The following SDC4 variants were observed in gnomAD, a reference collection of about 807,000 sequenced individuals.
SDC4 encodes the protein syndecan 4.
In SDC4, 17 loss-of-function variants were observed where a neutral mutation model predicts 20.5. The observed-to-expected ratio is 0.83, with a 90% CI of 0.57 to 1.25. SDC4 has a LOEUF of 1.25. Among genes scored for constraint, SDC4 ranks in the 50% most tolerant of loss-of-function variants. The pLI is 0.00. For synonymous variants in SDC4, 107 were observed against 105.3 expected (o/e 1.02, Z -0.10); for missense variants, 241 against 252.3 (o/e 0.96, Z 0.30).
Position 45,335,875 on chromosome 20 carries a change from G to C in SDC4, c.106C>G (p.Arg36Gly). ...VIDPQDLLEG[R>G]YFSGALPDDE... ...TCTGGTAGGGCTCCGGAGAAGTATC[G>C]GCCTTCTAGGAGGTCCTGGGGGTCG... The change falls in exon 2 of 5, where the codon CGA becomes GGA. Residue 36 changes from arginine (R) to glycine (G), a missense_variant. Coordinates refer to ENST00000372733, the MANE Select transcript of SDC4 (RefSeq NM_002999.4). 2 of 1,613,728 alleles carry C rather than the reference G, an allele frequency of 1.2e-6. No individual in the cohort carries two copies. Among genetic ancestry groups the C allele is most frequent in the Non-Finnish European group, 1.7e-6 (2 of 1,179,908 alleles).
intron 4 of SDC4, among the ~76,000 whole-genome samples, chr20:45,327,709 T>C (rs760513367): frequency 1.6e-4 from 25 of 152,214 alleles, no homozygotes; most frequent in Non-Finnish European, 3.2e-4. Flanking sequence ...AGTGGCGTGA[T>C]CTCGGCTTAC....
chr20:45,348,224 A>T lies in SDC4; in HGVS notation c.60+101T>A. 66 of 862,348 alleles carry T rather than the reference A, an allele frequency of 7.7e-5. 1 individual carries two copies. Among genetic ancestry groups the T allele is most frequent in the Non-Finnish European group, 1.1e-4 (58 of 552,260 alleles). The allele number at this position is 862,348 out of a possible 1,614,324, so 53.4% of individuals were successfully genotyped here. A position where few individuals can be genotyped will look rare whatever the true frequency, so the allele number is the denominator to read the frequency against. The stretch of plus-strand genomic sequence containing the variant: ...CTCGGTGTCCGGTTGGGGGTAGCGT[A>T]CCCCCGATCTGCCCCCCCCCATCCC... On this transcript the variant is annotated intron_variant, in intron 1 of 4. Transcript: ENST00000372733.
intron 3 of SDC4, among the ~76,000 whole-genome samples, chr20:45,332,133 C>T (rs1259529649): frequency 6.6e-6 from 1 of 150,724 alleles, no homozygotes; most frequent in Non-Finnish European, 1.5e-5. Flanking sequence ...AAGTGAAAAA[C>T]GCAGTTCATA....
intron 1 of SDC4, among the ~76,000 whole-genome samples, chr20:45,338,669 C>T (rs961203468): frequency 1.3e-5 from 2 of 152,166 alleles, no homozygotes; most frequent in Non-Finnish European, 2.9e-5. Flanking sequence ...GAAAGTGGGG[C>T]GTGAAGATCT....
intron 3 of SDC4, among the ~76,000 whole-genome samples, chr20:45,332,528 C>T (rs1026412603): frequency 4.6e-5 from 7 of 152,216 alleles, no homozygotes; most frequent in Admixed American, 2.0e-4. Flanking sequence ...TTGGTGTTGA[C>T]GGTGACTATC....
chr20:45,346,625 G>T (rs1052448530), intron 1 of SDC4, among the ~76,000 whole-genome samples: 1 of 152,094 alleles, frequency 6.6e-6, no homozygotes, highest in Non-Finnish European at 1.5e-5. Context: ...GTATCCCTTC[G>T]GATGCTTCCC....
intron 1 of SDC4, among the ~76,000 whole-genome samples, chr20:45,337,360 ATCT>A (rs1326046505): frequency 2.6e-5 from 4 of 152,090 alleles, no homozygotes; most frequent in South Asian, 2.1e-4. Flanking sequence ...AGACATTCCC[ATCT>A]TCTCCAGACG....
rs1367685647 is a variant in SDC4, at chr20:45,326,310, T to C, written c.*954A>G. ...GGGGTTTAAAGTATAAAAAAAAAAC[T>C]GGGGAAGGGGTTTAATGAAAGAGAA... On this transcript the variant is annotated 3_prime_UTR_variant, in exon 5 of 5. Transcript: ENST00000372733. The C allele has an allele frequency of 8.1e-6, 1 of 123,130 alleles. No individual in the cohort carries two copies. Among genetic ancestry groups the C allele is most frequent in the Non-Finnish European group, 1.7e-5 (1 of 58,974 alleles). The allele number at this position is 123,130 out of a possible 1,614,324, so 7.6% of individuals were successfully genotyped here. A position where few individuals can be genotyped will look rare whatever the true frequency, so the allele number is the denominator to read the frequency against.
chr20:45,342,489 C>T (rs1357615811), intron 1 of SDC4, among the ~76,000 whole-genome samples: 1 of 152,240 alleles, frequency 6.6e-6, no homozygotes, highest in Non-Finnish European at 1.5e-5. Context: ...ACCAGCCTCT[C>T]CCTGCCTCCC....
chr20:45,329,708 G>A (rs1382799217), intron 4 of SDC4, among the ~76,000 whole-genome samples: 3 of 152,216 alleles, frequency 2.0e-5, no homozygotes, highest in Admixed American at 1.3e-4. Context: ...GCTGGCCCTC[G>A]GCCATGACCT....
intron 3 of SDC4, among the ~76,000 whole-genome samples, chr20:45,332,162 T>G (rs1432387427): frequency 1.1e-4 from 1 of 9,054 alleles, no homozygotes; most frequent in African/African-American, 3.5e-4. Context: ...TATATATACT[T>G]TTTTTTTTTT....
In SDC4 at chr20:45,330,400, G is replaced by T. The variant is rs1262239762; in HGVS notation, c.411C>A (p.Gly137=). Reference sequence around the variant, plus strand: ...CCTCCGTTCTCTCAAAGATGTTGCTGCCCTGCACAGTGCTGGACATTGACA... The same window carrying T: ...CCTCCGTTCTCTCAAAGATGTTGCTTCCCTGCACAGTGCTGGACATTGACA... The part of the protein sequence containing the change: ...NKVSMSSTVQ[G]SNIFERTEVL... Residue 137 remains glycine (G), a synonymous_variant, in exon 4 of 5, where the codon GGC becomes GGA. Coordinates refer to ENST00000372733, the MANE Select transcript of SDC4 (RefSeq NM_002999.4). 6.2e-7 allele frequency: 1 copy of T among 1,614,080 alleles called. No homozygotes were observed. The highest frequency in any genetic ancestry group is 1.3e-5 in the African/African-American group (1 of 74,926).
chr20:45,346,973 G>A (rs1988040512), intron 1 of SDC4, among the ~76,000 whole-genome samples: 1 of 152,100 alleles, frequency 6.6e-6, no homozygotes, highest in Non-Finnish European at 1.5e-5. Context: ...TGTGACCCTG[G>A]GCAAGTTACT....
intron 1 of SDC4, 89 bp downstream of exon 1, chr20:45,348,236 C>CG (rs758450214): frequency 1.5e-5 from 3 of 202,606 alleles, no homozygotes; most frequent in African/African-American, 2.2e-4. Flanking sequence ...CCCCGATCTG[C>CG]CCCCCCCCAT....
At chr20:45,347,524 T>TC (rs1365925684) in intron 1 of SDC4, among the ~76,000 whole-genome samples, 1 of 151,996 alleles carries the variant, frequency 6.6e-6, no homozygotes, top group African/African-American at 2.4e-5. Context: ...AGGCCTTCTC[T>TC]CCCCCCTACC....
intron 2 of SDC4, among the ~76,000 whole-genome samples, chr20:45,335,113 G>A (rs1239498927): frequency 6.7e-6 from 1 of 148,836 alleles, no homozygotes; most frequent in Non-Finnish European, 1.5e-5. Context: ...CTTGTTCTTG[G>A]TTTCCCAACT....
At chr20:45,347,805 AC>A (rs1053693662) in intron 1 of SDC4, among the ~76,000 whole-genome samples, 4 of 152,088 alleles carry the variant, frequency 2.6e-5, no homozygotes, top group Admixed American at 2.6e-4. Flanking sequence ...CAAGTCAATG[AC>A]AGAGCTGGGG....
At chr20:45,333,142 G>T in intron 2 of SDC4, 73 bp from the exon 3 acceptor site, 2 of 1,401,642 alleles carry the variant, frequency 1.4e-6, no homozygotes, top group Non-Finnish European at 2.0e-6. Flanking sequence ...CAGGACTGGT[G>T]GGAGCTCCAC....
In SDC4 at chr20:45,327,304, G is replaced by A. The variant is rs780424163; in HGVS notation, c.557C>T (p.Pro186Leu). The change falls in exon 5 of 5, where the codon CCC (proline) becomes CTC (leucine). Residue 186 changes from proline to leucine, a missense_variant. Physicochemically the swap from Pro to Leu is moderately conservative, Grantham distance 98 (BLOSUM62 -3). Transcript: ENST00000372733. ...ATTGGTGGGGGCTTTCTTGTAGATG[G>A]GTTTCTTGCCCAGGTCATAGCTGCC... ...DEGSYDLGKKPIYKKAPTNEF... is the reference protein window; with the variant it reads ...DEGSYDLGKKLIYKKAPTNEF... The A allele has an allele frequency of 6.2e-7, 1 of 1,614,178 alleles. No homozygotes were observed. Among genetic ancestry groups the A allele is most frequent in the South Asian group, 1.1e-5 (1 of 91,076 alleles).
Sources: allele counts gnomAD v4.1 joint callset (sites outside exome capture counted in the v4.1 genomes callset), GRCh38; gene constraint gnomAD v4.1.1; transcripts MANE v1.5; gene names NCBI Gene and HGNC (gene_info 2026-07-23, HGNC 2026-07-21).